KLHL21: variants seen among roughly 807,000 people sequenced by gnomAD.
KLHL21 encodes the protein kelch like family member 21.
Under a neutral mutation model 44.1 loss-of-function variants are expected in KLHL21, and 42 were observed. The ratio of observed to expected loss-of-function variants is 0.95; its 90% CI spans 0.74 to 1.23. KLHL21 has a LOEUF of 1.23. KLHL21 is among the 50% of genes most tolerant of loss of function. The pLI is 0.00. For missense variants in KLHL21, 918 were observed against 889.1 expected (o/e 1.03, Z -0.41); for synonymous variants, 524 against 411.6 (o/e 1.27, Z -3.31).
At chr1:6,600,909 C>A (rs1186542228) in intron 1 of KLHL21, among the ~76,000 whole-genome samples, 1 of 152,224 alleles carries the variant, frequency 6.6e-6, no homozygotes, top group East Asian at 1.9e-4. Context: ...AACTGTCCCA[C>A]CTGACACCTC....
chr1:6,600,039 T>C (rs1333056413), intron 1 of KLHL21, among the ~76,000 whole-genome samples: 3 of 152,142 alleles, frequency 2.0e-5, no homozygotes, highest in Admixed American at 6.6e-5. Flanking sequence ...TATATTCTTC[T>C]GCCTGTATTA....
chr1:6,598,883 A>AAAAAC (rs1185401080), intron 2 of KLHL21, among the ~76,000 whole-genome samples, 164 bp downstream of exon 2: 1 of 152,248 alleles, frequency 6.6e-6, no homozygotes, highest in Non-Finnish European at 1.5e-5. Flanking sequence ...ACTCCGTCTC[A>AAAAAC]AAAACAAAAC....
chr1:6,602,286 G>T lies in KLHL21; in HGVS notation c.532C>A (p.Leu178Met). 1 of 1,556,602 alleles carries T rather than the reference G, an allele frequency of 6.4e-7. No individual in the cohort carries two copies. Among genetic ancestry groups the T allele is most frequent in the Non-Finnish European group, 8.6e-7 (1 of 1,158,694 alleles). The change falls in exon 1 of 4, where the codon CTG becomes ATG. Residue 178 changes from leucine (L) to methionine (M), a missense_variant. Transcript: ENST00000377658. Reference protein sequence around the residue: ...LGAEQLERLPLARLLRYLRDD... With the variant: ...LGAEQLERLPMARLLRYLRDD... Reference sequence around the variant, plus strand: ...CGCAGGTAGCGCAGCAGGCGCGCCAGTGGCAGCCGCTCCAGCTGCTCGGCG... The same window carrying T: ...CGCAGGTAGCGCAGCAGGCGCGCCATTGGCAGCCGCTCCAGCTGCTCGGCG...
At position 6,602,505 on chromosome 1, in the gene KLHL21, T is replaced by C. The variant is rs1452896096; in HGVS notation, c.313A>G (p.Asn105Asp). 7 of 1,546,086 alleles carry C rather than the reference T, an allele frequency of 4.5e-6. No homozygotes were observed. The highest frequency in any genetic ancestry group is 6.1e-6 in the Non-Finnish European group (7 of 1,152,116). Residue 105 changes from asparagine to aspartate, a missense_variant, in exon 1 of 4, where the codon AAC (asparagine) becomes GAC (aspartate). Transcript: ENST00000377658. ...GCGGCGCGCAGCAGCGGCTCAGCGT[T>C]GTCGCCGCTTACCGCCACGCGGCCC... ...YTGRVAVSGD[N>D]AEPLLRAADL...
In KLHL21 at chr1:6,601,996, G is replaced by A. The variant is rs766117269; in HGVS notation, c.822C>T (p.Pro274=). The change falls in exon 1 of 4, where the codon CCC becomes CCT. Residue 274 remains proline (P), a synonymous_variant. Coordinates refer to ENST00000377658, the MANE Select transcript of KLHL21 (RefSeq NM_014851.4). ...RYDRHDRGPC[P]RMRPRPSTGL... ...CGGTGGACGGGCGAGGACGCATTCG[G>A]GGACAGGGCCCGCGGTCGTGGCGGT... 4 of 1,549,184 alleles carry A rather than the reference G, an allele frequency of 2.6e-6. No homozygotes were observed. In the South Asian group the frequency reaches 3.6e-5, roughly 14 times the overall value.
Position 6,599,463 on chromosome 1 carries a change from G to A in KLHL21, c.1022-11C>T, listed in dbSNP as rs752037058. On this transcript the variant is annotated splice_polypyrimidine_tract_variant and intron_variant, in intron 1 of 3. Transcript: ENST00000377658. ...AGCCATCGGACCCACCTGCCAGGAC[G>A]CATGACAGGCAGAAGATCAGCCCAC... 3.4e-5 allele frequency: 54 copies of A among 1,588,472 alleles called. 2 individuals are homozygous for A. The South Asian group carries it at 5.5e-4, about 16-fold the overall frequency.
In KLHL21 at chr1:6,597,456, T is replaced by C. The variant is rs551023338; in HGVS notation, c.1427+1591A>G. Among the ~76,000 whole-genome samples, 78 of 152,218 alleles carry C rather than the reference T, an allele frequency of 5.1e-4. 1 individual carries two copies. In the South Asian group the frequency reaches 0.011, roughly 21 times the overall value. On this transcript the variant is annotated intron_variant, in intron 2 of 3. Coordinates refer to ENST00000377658, the MANE Select transcript of KLHL21 (RefSeq NM_014851.4). ...CCCTCTTTGAAGACACCTTCACAAC[T>C]TGGGGGAGGGAGAGCCGGGCAAAGG...
chr1:6,598,516 G>A (rs1640959471), intron 2 of KLHL21, among the ~76,000 whole-genome samples: 2 of 151,990 alleles, frequency 1.3e-5, no homozygotes, highest in Admixed American at 1.3e-4. Context: ...GTTGCAGTGA[G>A]CCAAGATCGC....
At position 6,601,846 on chromosome 1, in the gene KLHL21, C is replaced by A; in HGVS notation, c.972G>T (p.Leu324=). Residue 324 remains leucine (L), a synonymous_variant, in exon 1 of 4, where the codon CTG becomes CTT. Transcript: ENST00000377658. ...GCGCCACGATGCTGTAGCCTCCGCC[C>A]AGGTGGTCTGGGAACTCGGCCAGGT... ...WRYLAEFPDH[L]GGGYSIVALG... 1 of 1,584,134 alleles carries A rather than the reference C, an allele frequency of 6.3e-7. No homozygotes were observed. The highest frequency in any genetic ancestry group is 1.3e-5 in the African/African-American group (1 of 74,124).
At chr1:6,597,369 G>A (rs1640942199) in intron 2 of KLHL21, among the ~76,000 whole-genome samples, 2 of 152,180 alleles carry the variant, frequency 1.3e-5, no homozygotes. Context: ...TGGAACCACT[G>A]CCTAGGGGCC....
intron 1 of KLHL21, among the ~76,000 whole-genome samples, chr1:6,601,334 G>A (rs1641014093): frequency 6.6e-6 from 1 of 152,206 alleles, no homozygotes; most frequent in South Asian, 2.1e-4. Context: ...AGGGAACCTT[G>A]TCACCGGGTG....
intron 1 of KLHL21, 30 bp downstream of exon 1, chr1:6,601,767 G>A (rs771087063): frequency 3.3e-6 from 5 of 1,522,824 alleles, no homozygotes; most frequent in African/African-American, 1.4e-5. Context: ...TTCAACCCCA[G>A]AGAGCCTGCC....
Position 6,602,565 on chromosome 1 carries a change from C to CG in KLHL21, c.252dup (p.Asp85ArgfsTer23), listed in dbSNP as rs1479766415. 6.5e-7 allele frequency: 1 copy of CG among 1,535,658 alleles called. No homozygotes were observed. The highest frequency in any genetic ancestry group is 8.7e-7 in the Non-Finnish European group (1 of 1,146,106). ...AAGTCCAGCAGCAGCTGCAGCATGT[C>CG]GGGAGGCACTCCGTGCAGGCGCACC... On this transcript the variant is annotated frameshift_variant, in exon 1 of 4. Coordinates refer to ENST00000377658, the MANE Select transcript of KLHL21 (RefSeq NM_014851.4). LOFTEE classifies it high-confidence loss of function.
Position 6,593,304 on chromosome 1 carries a change from G to C in KLHL21, c.*61C>G. 1 of 1,479,328 alleles carries C rather than the reference G, an allele frequency of 6.8e-7. No individual in the cohort carries two copies. The highest frequency in any genetic ancestry group is 2.3e-5 in the East Asian group (1 of 43,790). 91.6% of individuals were successfully genotyped at this position (1,479,328 alleles called of 1,614,324 possible). The stretch of plus-strand genomic sequence containing the variant: ...CGTGTCCTTGTGCACAAAGGAGTGG[G>C]GCACTGCCCCGCAGAGGTGCCAGTT... On this transcript the variant is annotated 3_prime_UTR_variant, in exon 4 of 4. Coordinates refer to ENST00000377658, the MANE Select transcript of KLHL21 (RefSeq NM_014851.4).
In KLHL21 at chr1:6,593,363, G is replaced by A. The variant is rs770184255; in HGVS notation, c.*2C>T. 8.8e-6 allele frequency: 14 copies of A among 1,583,646 alleles called. No homozygotes were observed. Among genetic ancestry groups the A allele is most frequent in the African/African-American group, 1.3e-5 (1 of 74,226 alleles). On this transcript the variant is annotated 3_prime_UTR_variant, in exon 4 of 4. Coordinates refer to ENST00000377658, the MANE Select transcript of KLHL21 (RefSeq NM_014851.4). ...CGAGGCCCGTGCCGGGCCAGACTGG[G>A]GCTAGTGCAGCTCATCGGGGTCCCG...
chr1:6,601,071 G>A (rs144009711), intron 1 of KLHL21, among the ~76,000 whole-genome samples: 200 of 152,308 alleles, frequency 1.3e-3, no homozygotes, highest in African/African-American at 4.6e-3. Flanking sequence ...TTATATAGCA[G>A]TCACAGAGAC....
At chr1:6,597,735 C>A (rs183989788) in intron 2 of KLHL21, among the ~76,000 whole-genome samples, 28 of 152,342 alleles carry the variant, frequency 1.8e-4, no homozygotes, top group Non-Finnish European at 5.9e-5. Flanking sequence ...GAGCTCACAT[C>A]CCCCAAGCTC....
At position 6,602,601 on chromosome 1, in the gene KLHL21, G is replaced by A; in HGVS notation, c.217C>T (p.Arg73Cys). 1.3e-6 allele frequency: 2 copies of A among 1,526,214 alleles called. No individual in the cohort carries two copies. Among genetic ancestry groups the A allele is most frequent in the Non-Finnish European group, 1.8e-6 (2 of 1,141,760 alleles). The allele number at this position is 1,526,214 out of a possible 1,614,324, so 94.5% of individuals were successfully genotyped here. The change falls in exon 1 of 4, where the codon CGC becomes TGC. Residue 73 changes from arginine to cysteine, a missense_variant. Physicochemically the swap from Arg to Cys is radical, Grantham distance 180. Coordinates refer to ENST00000377658, the MANE Select transcript of KLHL21 (RefSeq NM_014851.4). ...AMFAGQLRES[R>C]AERVRLHGVP... Reference sequence around the variant, plus strand: ...CCGTGCAGGCGCACCCGCTCGGCGCGGCTCTCGCGCAGCTGCCCCGCGAAC... The same window carrying A: ...CCGTGCAGGCGCACCCGCTCGGCGCAGCTCTCGCGCAGCTGCCCCGCGAAC...
chr1:6,601,847 A>G lies in KLHL21; in HGVS notation c.971T>C (p.Leu324Pro). Residue 324 changes from leucine to proline, a missense_variant, in exon 1 of 4, where the codon CTG (leucine) becomes CCG (proline). Transcript: ENST00000377658. ...WRYLAEFPDH[L>P]GGGYSIVALG... ...CGCCACGATGCTGTAGCCTCCGCCC[A>G]GGTGGTCTGGGAACTCGGCCAGGTA... The G allele has an allele frequency of 6.3e-7, 1 of 1,583,918 alleles. No individual in the cohort carries two copies. The highest frequency in any genetic ancestry group is 8.6e-7 in the Non-Finnish European group (1 of 1,166,076).
Sources: allele counts gnomAD v4.1 joint callset (sites outside exome capture counted in the v4.1 genomes callset), GRCh38; gene constraint gnomAD v4.1.1; transcripts MANE v1.5; gene names NCBI Gene and HGNC (gene_info 2026-07-23, HGNC 2026-07-21).